Variants in CFAP61 observed in about 807,000 individuals in gnomAD.
CFAP61 encodes the protein cilia and flagella associated protein 61, also known as cilia- and flagella-associated protein 61.
Under a neutral mutation model 135.6 loss-of-function variants are expected in CFAP61, and 107 were observed. The observed-to-expected ratio is 0.79, with a 90% confidence interval of 0.67 to 0.93. The LOEUF is 0.93. Among genes scored for constraint, CFAP61 ranks in the 40% least tolerant of loss-of-function variants. The pLI is 0.00. For synonymous variants in CFAP61, 575 were observed against 578.5 expected (o/e 0.99, Z 0.09); for missense variants, 1,507 against 1,556.2 (o/e 0.97, Z 0.53).
intron 22 of CFAP61, among the ~76,000 whole-genome samples, chr20:20,286,830 T>C (rs921134613): frequency 6.6e-6 from 1 of 152,216 alleles, no homozygotes; most frequent in African/African-American, 2.4e-5. Context: ...GCAATACTGG[T>C]AACCTTTAAA....
At position 20,316,089 on chromosome 20, in the gene CFAP61, G is replaced by C. The variant is rs2057120080; in HGVS notation, c.3422+17703G>C. Among the ~76,000 whole-genome samples, 8 of 151,120 alleles carry C rather than the reference G, an allele frequency of 5.3e-5. No homozygotes were observed. In the Admixed American group the frequency reaches 5.3e-4, roughly 10 times the overall value. ...AATTCTGTGAAGAAAGTCATTGGTAGCTTGATGGGGATGGCATTGAATCTG... is the reference window on the plus strand; with the variant it reads ...AATTCTGTGAAGAAAGTCATTGGTACCTTGATGGGGATGGCATTGAATCTG... On this transcript the variant is annotated intron_variant, in intron 25 of 26. Coordinates refer to ENST00000245957, the MANE Select transcript of CFAP61 (RefSeq NM_015585.4).
At position 20,072,091 on chromosome 20, in the gene CFAP61, C is replaced by CTTTT. The variant is rs71198039; in HGVS notation, c.294+1125_294+1128dup. Among the ~76,000 whole-genome samples, 42 of 57,638 alleles carry CTTTT rather than the reference C, an allele frequency of 7.3e-4. 5 individuals are homozygous for CTTTT. Among genetic ancestry groups the CTTTT allele is most frequent in the Non-Finnish European group, 1.0e-3 (29 of 28,740 alleles). The allele number at this position is 57,638 out of a possible 152,430, so 37.8% of individuals were successfully genotyped here. ...CCTATTTGGTATCTAATCTAGCAAT[C>CTTTT]TTTTTTTTTTTTTTTTTTTTTTTTT... is the stretch of plus-strand genomic sequence containing the variant. On this transcript the variant is annotated intron_variant, in intron 3 of 26. Coordinates refer to ENST00000245957, the MANE Select transcript of CFAP61 (RefSeq NM_015585.4).
chr20:20,287,077 G>A (rs1488148017), intron 22 of CFAP61, among the ~76,000 whole-genome samples: 1 of 152,090 alleles, frequency 6.6e-6, no homozygotes, highest in Non-Finnish European at 1.5e-5. Context: ...TAGAGATGGG[G>A]AAAGAGAATG....
intron 8 of CFAP61, among the ~76,000 whole-genome samples, chr20:20,130,874 C>T (rs1160996387): frequency 2.6e-5 from 4 of 151,842 alleles, no homozygotes; most frequent in Admixed American, 2.6e-4. Context: ...GTCCCACCTC[C>T]CCACTTTGTT....
At chr20:20,269,156 C>T (rs1337800076) in intron 21 of CFAP61, among the ~76,000 whole-genome samples, 21 of 94,620 alleles carry the variant, frequency 2.2e-4, no homozygotes, top group Admixed American at 1.0e-3. Context: ...TACACACACA[C>T]ACACACACAT....
intron 6 of CFAP61, chr20:20,085,533 T>C: frequency 7.3e-7 from 1 of 1,366,372 alleles, no homozygotes; most frequent in Non-Finnish European, 9.8e-7. Context: ...GAATTCGTGT[T>C]GAGGTATGAT....
chr20:20,061,311 A>C (rs368896851), intron 2 of CFAP61, among the ~76,000 whole-genome samples: 1 of 152,208 alleles, frequency 6.6e-6, no homozygotes, highest in Non-Finnish European at 1.5e-5. Flanking sequence ...AAGAAAATAA[A>C]TTTTACTATA....
At chr20:20,264,494 G>T (rs1350304315) in intron 21 of CFAP61, among the ~76,000 whole-genome samples, 1 of 152,126 alleles carries the variant, frequency 6.6e-6, no homozygotes, top group African/African-American at 2.4e-5. Context: ...TTTCAGTTTT[G>T]CATCTATGTA....
intron 6 of CFAP61, among the ~76,000 whole-genome samples, chr20:20,080,895 G>A (rs569757131): frequency 6.6e-6 from 1 of 152,016 alleles, no homozygotes; most frequent in East Asian, 1.9e-4. Flanking sequence ...CCAGCTACTC[G>A]GGAGGCTGAG....
chr20:20,292,366 C>T (rs1041117923), intron 24 of CFAP61, among the ~76,000 whole-genome samples: 20 of 152,132 alleles, frequency 1.3e-4, no homozygotes, highest in African/African-American at 4.8e-4. Context: ...TTTAGTTGCC[C>T]TGTACACATG....
In CFAP61 at chr20:20,263,043, G is replaced by T; in HGVS notation, c.2416G>T (p.Val806Phe). 1 of 1,614,070 alleles carries T rather than the reference G, an allele frequency of 6.2e-7. No individual in the cohort carries two copies. The highest frequency in any genetic ancestry group is 8.5e-7 in the Non-Finnish European group (1 of 1,179,958). The change falls in exon 21 of 27, where the codon GTT (valine) becomes TTT (phenylalanine). Residue 806 changes from valine (V) to phenylalanine (F), a missense_variant. Transcript: ENST00000245957. ...NSSQRRYTGK[V>F]PCNHFTLNEE... The stretch of plus-strand genomic sequence containing the variant: ...CAGTCAGCGGCGGTACACGGGGAAA[G>T]TTCCTTGCAACCATTTCACTCTCAA...
intron 8 of CFAP61, among the ~76,000 whole-genome samples, chr20:20,116,018 A>G (rs1023060916): frequency 2.6e-5 from 4 of 152,152 alleles, no homozygotes; most frequent in African/African-American, 4.8e-5. Context: ...GAAACTCCAT[A>G]TAGTTTTCCA....
rs890435447 is a variant in CFAP61 at position 20,288,593 on chromosome 20, A to T, written c.2797-16A>T. On this transcript the variant is annotated splice_polypyrimidine_tract_variant and intron_variant, in intron 22 of 26. Coordinates refer to ENST00000245957, the MANE Select transcript of CFAP61 (RefSeq NM_015585.4). ...AGAGTGATAACTGAATATTGCTGTA[A>T]TTGTTCACTTCGTAGATGTTCTTCA... The T allele has an allele frequency of 2.5e-6, 4 of 1,597,116 alleles. No homozygotes were observed. The African/African-American group carries it at 5.4e-5, about 21-fold the overall frequency.
At chr20:20,350,178 C>T (rs1374917741) in intron 26 of CFAP61, among the ~76,000 whole-genome samples, 1 of 152,102 alleles carries the variant, frequency 6.6e-6, no homozygotes, top group East Asian at 1.9e-4. Flanking sequence ...TAATACAAAA[C>T]AAGGGGGGAA....
chr20:20,071,350 G>A (rs1002170920), intron 3 of CFAP61, among the ~76,000 whole-genome samples: 1 of 152,080 alleles, frequency 6.6e-6, no homozygotes, highest in Non-Finnish European at 1.5e-5. Context: ...GAGAGCACCT[G>A]CCGTCTACAC....
At position 20,288,908 on chromosome 20, in the gene CFAP61, C is replaced by A. The variant is rs2054796437; in HGVS notation, c.3096C>A (p.Ile1032=). Residue 1032 remains isoleucine, a synonymous_variant, in exon 23 of 27, where the codon ATC becomes ATA. Coordinates refer to ENST00000245957, the MANE Select transcript of CFAP61 (RefSeq NM_015585.4). ...TEPPANLDRL[I]PMYKGAKIQG... is the part of the protein sequence containing the mutation. ...CACCAGCTAATCTTGACCGGCTCAT[C>A]CCCATGTACAAGGGAGCCAAGATTC... 1 of 1,611,062 alleles carries A rather than the reference C, an allele frequency of 6.2e-7. No individual in the cohort carries two copies. Among genetic ancestry groups the A allele is most frequent in the Non-Finnish European group, 8.5e-7 (1 of 1,177,388 alleles).
chr20:20,341,004 G>A (rs1040582486), intron 25 of CFAP61, among the ~76,000 whole-genome samples: 5 of 152,062 alleles, frequency 3.3e-5, no homozygotes, highest in Non-Finnish European at 5.9e-5. Flanking sequence ...CTTGGAAAAC[G>A]GAAGGTGCCC....
chr20:20,271,324 A>G (rs557148999), intron 21 of CFAP61, among the ~76,000 whole-genome samples: 1 of 152,300 alleles, frequency 6.6e-6, no homozygotes, highest in East Asian at 1.9e-4. Flanking sequence ...CAAAAAGGTC[A>G]TCTCTACATT....
chr20:20,157,331 C>T (rs2053002802), intron 9 of CFAP61, among the ~76,000 whole-genome samples: 1 of 152,084 alleles, frequency 6.6e-6, no homozygotes, highest in Admixed American at 6.6e-5. Flanking sequence ...CCTTGGCCTC[C>T]CAAAGTACTG....
Sources: gnomAD v4.1 joint callset for allele counts (sites outside exome capture counted in the v4.1 genomes callset) on GRCh38, gnomAD v4.1.1 for gene constraint, MANE v1.5 for transcripts, NCBI Gene and HGNC (gene_info 2026-07-23, HGNC 2026-07-21) for gene names.